Variants in ITPKB observed in about 807,000 individuals in gnomAD.
ITPKB encodes IP3 3-kinase B.
In ITPKB, 13 loss-of-function variants were observed where a neutral mutation model predicts 69.4. That is an observed-to-expected ratio of 0.19 (90% CI 0.12 to 0.30). The LOEUF is 0.30. Among genes scored for constraint, ITPKB ranks in the 10% least tolerant of loss-of-function variants. The pLI, the probability that ITPKB is intolerant of heterozygous loss-of-function variation, is 1.00. For synonymous variants in ITPKB, 584 were observed against 513.7 expected, an observed-to-expected ratio of 1.14 and a Z score of -1.85; for missense variants, 1,240 against 1,250.5, an observed-to-expected ratio of 0.99 and a Z score of 0.13.
Position 226,735,530 on chromosome 1 carries a change from T to C in ITPKB, c.1929A>G (p.Arg643=). The change falls in exon 2 of 8, where the codon AGA becomes AGG. Residue 643 remains arginine, a synonymous_variant. Transcript: ENST00000429204. ...FLHTLDQQKP[R]VSKSWRKIKN... Reference sequence around the variant, plus strand: ...CAAATCTCAGAGCAAGACTTACCACTCTAGGTTTCTGCTGGTCCAGGGTAT... The same window carrying C: ...CAAATCTCAGAGCAAGACTTACCACCCTAGGTTTCTGCTGGTCCAGGGTAT... 4.0e-6 allele frequency: 6 copies of C among 1,512,320 alleles called. No homozygotes were observed. Among genetic ancestry groups the C allele is most frequent in the Non-Finnish European group, 5.3e-6 (6 of 1,128,980 alleles). The allele number at this position is 1,512,320 out of a possible 1,614,324, so 93.7% of individuals were successfully genotyped here. A position where few individuals can be genotyped will look rare whatever the true frequency, so the allele number is the denominator to read the frequency against.
chr1:226,645,220 A>G (rs1669038793), intron 4 of ITPKB, among the ~76,000 whole-genome samples: 1 of 152,194 alleles, frequency 6.6e-6, no homozygotes, highest in Admixed American at 6.5e-5. Flanking sequence ...TGTGTGCAGG[A>G]AAGATCGGGC....
intron 2 of ITPKB, among the ~76,000 whole-genome samples, chr1:226,702,081 G>A (rs1032951849): frequency 6.6e-6 from 1 of 152,098 alleles, no homozygotes; most frequent in Admixed American, 6.6e-5. Context: ...TGTTGAGCAG[G>A]GAAATTATTC....
chr1:226,736,531 C>G lies in ITPKB; in HGVS notation c.928G>C (p.Val310Leu), dbSNP rs985680024. ...LTMATEVAAR[V>L]TSTGPHRPQD... ...GGACGGTGTGGCCCAGTGGATGTAA[C>G]TCTCGCTGCCACTTCCGTGGCCATC... The change falls in exon 2 of 8, where the codon GTT becomes CTT. Residue 310 changes from valine to leucine, a missense_variant. By Grantham distance (32) the Val-to-Leu change is conservative (BLOSUM62 1). Around this residue, in one of 2 missense-constraint regions of ITPKB, gnomAD observed 992 missense variants for 853.8 expected, o/e 1.16. Coordinates refer to ENST00000429204, the MANE Select transcript of ITPKB (RefSeq NM_002221.4). 1.2e-6 allele frequency: 2 copies of G among 1,613,802 alleles called. No homozygotes were observed. The highest frequency in any genetic ancestry group is 2.7e-5 in the African/African-American group (2 of 74,948).
chr1:226,640,636 G>A (rs891540492), intron 5 of ITPKB, among the ~76,000 whole-genome samples: 13 of 152,210 alleles, frequency 8.5e-5, no homozygotes, highest in African/African-American at 3.1e-4. Flanking sequence ...CATCCTGCTC[G>A]AGAGGGAGAG....
chr1:226,663,522 T>TA (rs919147406), intron 2 of ITPKB, among the ~76,000 whole-genome samples: 4 of 152,040 alleles, frequency 2.6e-5, no homozygotes, highest in Admixed American at 1.3e-4. Flanking sequence ...CTTTTTTTTT[T>TA]ATGAGACAGG....
intron 2 of ITPKB, among the ~76,000 whole-genome samples, chr1:226,677,493 G>A (rs1262933339): frequency 6.6e-6 from 1 of 152,178 alleles, no homozygotes; most frequent in African/African-American, 2.4e-5. Flanking sequence ...CTAACCTCCT[G>A]TGAATCTCAG....
intron 2 of ITPKB, among the ~76,000 whole-genome samples, chr1:226,691,068 G>A (rs1002282404): frequency 1.1e-4 from 16 of 152,156 alleles, no homozygotes; most frequent in African/African-American, 3.9e-4. Context: ...CTAGGAGAGA[G>A]GGGAGAGGGA....
At position 226,735,997 on chromosome 1, in the gene ITPKB, G is replaced by C; in HGVS notation, c.1462C>G (p.Leu488Val). The C allele has an allele frequency of 1.2e-6, 2 of 1,613,948 alleles. No homozygotes were observed. Among genetic ancestry groups the C allele is most frequent in the Non-Finnish European group, 1.7e-6 (2 of 1,180,026 alleles). Reference protein sequence around the residue: ...PLPCWDAAKDLKEPQCPPGDR... With the variant: ...PLPCWDAAKDVKEPQCPPGDR... ...CCAGGAGGGCACTGAGGTTCTTTCAGATCTTTCGCAGCGTCCCAACAGGGC... is the reference window on the plus strand; with the variant it reads ...CCAGGAGGGCACTGAGGTTCTTTCACATCTTTCGCAGCGTCCCAACAGGGC... The change falls in exon 2 of 8, where the codon CTG becomes GTG. Residue 488 changes from leucine to valine, a missense_variant. Around this residue, in one of 2 missense-constraint regions of ITPKB, gnomAD observed 992 missense variants for 853.8 expected, o/e 1.16. Transcript: ENST00000429204.
At chr1:226,709,507 C>A (rs1250362597) in intron 2 of ITPKB, among the ~76,000 whole-genome samples, 1 of 152,150 alleles carries the variant, frequency 6.6e-6, no homozygotes. Flanking sequence ...GGTGTCACTG[C>A]GGTCCTGGGA....
chr1:226,722,672 C>T (rs1224646209), intron 2 of ITPKB, among the ~76,000 whole-genome samples: 1 of 146,646 alleles, frequency 6.8e-6, no homozygotes, highest in Non-Finnish European at 1.5e-5. Flanking sequence ...CTAACAAGCT[C>T]CTTTCGTGGT....
intron 2 of ITPKB, 94 bp from the exon 3 acceptor site, chr1:226,648,865 G>T: frequency 1.1e-6 from 1 of 874,064 alleles, no homozygotes; most frequent in Non-Finnish European, 1.9e-6. Context: ...ATTGCCTGTG[G>T]CCACAAGATG....
intron 2 of ITPKB, among the ~76,000 whole-genome samples, chr1:226,716,924 A>C (rs575634547): frequency 6.6e-6 from 1 of 152,336 alleles, no homozygotes; most frequent in South Asian, 2.1e-4. Flanking sequence ...TCTTTGTGAT[A>C]GATTGTTTAT....
intron 2 of ITPKB, among the ~76,000 whole-genome samples, chr1:226,676,709 C>T (rs1300957456): frequency 1.3e-5 from 2 of 152,178 alleles, no homozygotes; most frequent in African/African-American, 4.8e-5. Flanking sequence ...TATTTTAATT[C>T]GTTAATGGAC....
At chr1:226,649,442 C>A (rs200811645) in intron 2 of ITPKB, among the ~76,000 whole-genome samples, 3 of 135,828 alleles carry the variant, frequency 2.2e-5, no homozygotes, top group African/African-American at 8.3e-5. Flanking sequence ...CGTATGTGTG[C>A]GTGTGTGTGC....
chr1:226,731,361 A>G (rs550630572), intron 2 of ITPKB, among the ~76,000 whole-genome samples: 1 of 152,340 alleles, frequency 6.6e-6, no homozygotes, highest in South Asian at 2.1e-4. Context: ...ATGAAATTAC[A>G]AAGAGCCTTT....
intron 2 of ITPKB, among the ~76,000 whole-genome samples, chr1:226,660,434 C>T (rs1669380244): frequency 6.6e-6 from 1 of 152,216 alleles, no homozygotes; most frequent in Non-Finnish European, 1.5e-5. Context: ...TCGAGGTGTC[C>T]TTCACCCAAA....
At chr1:226,671,748 T>A (rs781772717) in intron 2 of ITPKB, among the ~76,000 whole-genome samples, 1 of 152,058 alleles carries the variant, frequency 6.6e-6, no homozygotes, top group East Asian at 1.9e-4. Context: ...AGGCAGAGGG[T>A]ATGGCACTGC....
Position 226,648,745 on chromosome 1 carries a change from G to GT in ITPKB, c.1958dup (p.Asn653LysfsTer42), listed in dbSNP as rs1669112508. On this transcript the variant is annotated frameshift_variant, in exon 3 of 8. Transcript: ENST00000429204. LOFTEE classifies it high-confidence loss of function. ...TGACGAAGGGAGACCAGTGCACCAT[G>GT]TTTTTTATCTTCCTCCATGATTTGC... 6.2e-7 allele frequency: 1 copy of GT among 1,610,902 alleles called. No individual in the cohort carries two copies. Among genetic ancestry groups the GT allele is most frequent in the Non-Finnish European group, 8.5e-7 (1 of 1,176,974 alleles).
Position 226,637,821 on chromosome 1 carries a change from C to A in ITPKB, c.2554-71G>T, listed in dbSNP as rs953688914. 5.3e-6 allele frequency: 6 copies of A among 1,141,614 alleles called. No individual in the cohort carries two copies. Among genetic ancestry groups the A allele is most frequent in the African/African-American group, 4.6e-5 (3 of 65,726 alleles). 70.7% of individuals were successfully genotyped at this position (1,141,614 alleles called of 1,614,324 possible). A position where few individuals can be genotyped will look rare whatever the true frequency, so the allele number is the denominator to read the frequency against. On this transcript the variant is annotated intron_variant, in intron 6 of 7. Coordinates refer to ENST00000429204, the MANE Select transcript of ITPKB (RefSeq NM_002221.4). The surrounding 1 kb of genome is among the most constrained non-coding windows in gnomAD (Gnocchi z 4.3). ...GGGCAGTGTCAGAACACCCATGCGG[C>A]CTCTAGTGGTCCCTCCCGTGAATGT... is the stretch of plus-strand genomic sequence containing the variant.
Sources: gnomAD v4.1 joint callset for allele counts (sites outside exome capture counted in the v4.1 genomes callset) on GRCh38, gnomAD v4.1.1 for gene constraint, gnomAD v4.1.1 regional missense constraint, Gnocchi (gnomAD v3.1) non-coding constraint, MANE v1.5 for transcripts, NCBI Gene and HGNC (gene_info 2026-07-23, HGNC 2026-07-21) for gene names.